GPR50: variants seen among roughly 807,000 people sequenced by gnomAD.
The protein encoded by GPR50 is G protein-coupled receptor 50.
Under a neutral mutation model 2.6 loss-of-function variants are expected in GPR50, and 1 was observed. The observed-to-expected ratio is 0.38, with a 90% CI of 0.13 to 1.79. The LOEUF is 1.79. GPR50 is among the 40% of genes most tolerant of loss of function. GPR50 has a pLI of 0.33. For missense variants in GPR50, 535 were observed against 522.1 expected, an observed-to-expected ratio of 1.02 and a Z score of -0.24; for synonymous variants, 233 against 202.3, an observed-to-expected ratio of 1.15 and a Z score of -1.29.
intron 1 of GPR50, among the ~76,000 whole-genome samples, chrX:151,178,039 A>G (rs2048691032): frequency 9.1e-6 from 1 of 109,606 alleles, no homozygotes; most frequent in African/African-American, 3.3e-5. Context: ...AAGGCGCCCA[A>G]ACTCCGAGTT....
intron 1 of GPR50, among the ~76,000 whole-genome samples, chrX:151,178,592 A>G (rs2048694122): frequency 8.9e-6 from 1 of 112,156 alleles, no homozygotes; most frequent in African/African-American, 3.2e-5. Context: ...TCTGCCGGAA[A>G]ACCATAGAAA....
Position 151,180,171 on chromosome X carries a change from C to T in GPR50, c.588C>T (p.His196=). The change falls in exon 2 of 2, where the codon CAC becomes CAT. Residue 196 remains histidine, a synonymous_variant. Transcript: ENST00000218316. ...TCACTGTTACCATCGTCTGCATCCA[C>T]TTCGTCCTCCCTCTCCTCATCGTGG... ...PVFTVTIVCI[H]FVLPLLIVGF... is the part of the protein sequence containing the mutation. 2.5e-6 allele frequency: 3 copies of T among 1,206,733 alleles called. No homozygotes were observed. The highest frequency in any genetic ancestry group is 3.4e-6 in the Non-Finnish European group (3 of 895,295).
Position 151,181,003 on chromosome X carries a change from C to T in GPR50, c.1420C>T (p.Pro474Ser). The change falls in exon 2 of 2, where the codon CCC (proline) becomes TCC (serine). Residue 474 changes from proline to serine, a missense_variant. Transcript: ENST00000218316. The part of the protein sequence containing the change: ...SVHFKPASSN[P>S]KPITGHHVSA... The stretch of plus-strand genomic sequence containing the variant: ...TCATTTCAAGCCTGCTTCCAGCAAC[C>T]CCAAGCCCATCACTGGCCACCATGT... 8.3e-7 allele frequency: 1 copy of T among 1,211,466 alleles called. No individual in the cohort carries two copies. The highest frequency in any genetic ancestry group is 1.8e-5 in the South Asian group (1 of 56,967).
At position 151,180,014 on chromosome X, in the gene GPR50, A is replaced by G; in HGVS notation, c.431A>G (p.Asn144Ser). ...TACGAACGGATCTTCAGTGTGCGCA[A>G]TACCTGCATCTACCTGGTCATCACC... is the stretch of plus-strand genomic sequence containing the variant. The part of the protein sequence containing the change: ...LQYERIFSVR[N>S]TCIYLVITWI... Residue 144 changes from asparagine (N) to serine (S), a missense_variant, in exon 2 of 2, where the codon AAT becomes AGT. Physicochemically the swap from Asn to Ser is conservative, Grantham distance 46 (BLOSUM62 1). Transcript: ENST00000218316. 8.3e-7 allele frequency: 1 copy of G among 1,211,217 alleles called. No homozygotes were observed. Among genetic ancestry groups the G allele is most frequent in the South Asian group, 1.8e-5 (1 of 56,934 alleles).
In GPR50 at chrX:151,180,156, C is replaced by G; in HGVS notation, c.573C>G (p.Thr191=). Residue 191 remains threonine (T), a synonymous_variant, in exon 2 of 2, where the codon ACC becomes ACG. Transcript: ENST00000218316. ...TGAACAACCCTGTCTTCACTGTTACCATCGTCTGCATCCACTTCGTCCTCC... is the reference window on the plus strand; with the variant it reads ...TGAACAACCCTGTCTTCACTGTTACGATCGTCTGCATCCACTTCGTCCTCC... ...NYLNNPVFTV[T]IVCIHFVLPL... The G allele has an allele frequency of 8.3e-7, 1 of 1,206,863 alleles. No homozygotes were observed. The highest frequency in any genetic ancestry group is 1.1e-6 in the Non-Finnish European group (1 of 894,999).
rs1460037650 is a variant in GPR50, at chrX:151,180,720, C to T, written c.1137C>T (p.Pro379=). Residue 379 remains proline, a synonymous_variant, in exon 2 of 2, where the codon CCC becomes CCT. Transcript: ENST00000218316. ...PLPGDAAAGH[P]DRASGHPKPH... is the part of the protein sequence containing the mutation. ...CTGGTGATGCTGCAGCTGGCCACCC[C>T]GACCGTGCCTCTGGCCACCCTAAGC... is the stretch of plus-strand genomic sequence containing the variant. 8.3e-6 allele frequency: 10 copies of T among 1,208,768 alleles called. No individual in the cohort carries two copies. The Admixed American group carries it at 8.8e-5, about 11-fold the overall frequency.
chrX:151,178,191 T>G (rs2048692015), intron 1 of GPR50, among the ~76,000 whole-genome samples: 1 of 103,199 alleles, frequency 9.7e-6, no homozygotes, highest in African/African-American at 3.6e-5. Flanking sequence ...GGGGGAGAGG[T>G]GGCGGCCGGG....
Position 151,180,433 on chromosome X carries a change from T to G in GPR50, c.850T>G (p.Tyr284Asp), listed in dbSNP as rs2124119019. Residue 284 changes from tyrosine (Y) to aspartate (D), a missense_variant, in exon 2 of 2, where the codon TAC becomes GAC. Tyr to Asp is a radical substitution (Grantham distance 160). Transcript: ENST00000218316. Reference protein sequence around the residue: ...WLYLAAYFIAYFNSCLNAVIY... With the variant: ...WLYLAAYFIADFNSCLNAVIY... ...TTATCTTGCAGCCTACTTCATAGCC[T>G]ACTTCAACAGCTGCCTCAACGCTGT... The G allele has an allele frequency of 8.3e-7, 1 of 1,209,694 alleles. No individual in the cohort carries two copies. Among genetic ancestry groups the G allele is most frequent in the South Asian group, 1.8e-5 (1 of 56,703 alleles).
intron 1 of GPR50, chrX:151,177,926 C>A (rs1457305409): frequency 9.5e-6 from 1 of 105,587 alleles, no homozygotes; most frequent in Non-Finnish European, 1.9e-5. Context: ...GGATGCCGGG[C>A]GCTGCGACCT....
Position 151,181,048 on chromosome X carries a change from A to G in GPR50, c.1465A>G (p.Lys489Glu), listed in dbSNP as rs1458835474. Reference sequence around the variant, plus strand: ...CCATGTCTCTGCTGGCAGCCACTCCAAGTCTGCCTTCAGTGCTGCCACCAG... The same window carrying G: ...CCATGTCTCTGCTGGCAGCCACTCCGAGTCTGCCTTCAGTGCTGCCACCAG... ...GHHVSAGSHS[K>E]SAFSAATSHP... The change falls in exon 2 of 2, where the codon AAG (lysine) becomes GAG (glutamate). Residue 489 changes from lysine to glutamate, a missense_variant. Physicochemically the swap from Lys to Glu is moderately conservative, Grantham distance 56. Transcript: ENST00000218316. The G allele has an allele frequency of 8.3e-7, 1 of 1,210,464 alleles. No individual in the cohort carries two copies. The highest frequency in any genetic ancestry group is 1.7e-5 in the African/African-American group (1 of 57,491).
Position 151,180,843 on chromosome X carries a change from T to C in GPR50, c.1260T>C (p.Pro420=), listed in dbSNP as rs1290780080. 16 of 1,208,536 alleles carry C rather than the reference T, an allele frequency of 1.3e-5. No homozygotes were observed. The highest frequency in any genetic ancestry group is 1.8e-5 in the Non-Finnish European group (16 of 894,540). Residue 420 remains proline, a synonymous_variant, in exon 2 of 2, where the codon CCT becomes CCC. Transcript: ENST00000218316. ...HSKAASGHLK[P]VSGHSKPASG... is the part of the protein sequence containing the mutation. ...AGGCTGCCTCTGGTCACCTCAAGCC[T>C]GTCTCTGGCCACTCCAAGCCTGCCT... is the stretch of plus-strand genomic sequence containing the variant.
intron 1 of GPR50, among the ~76,000 whole-genome samples, chrX:151,178,500 T>C (rs2048693788): frequency 8.9e-6 from 1 of 112,308 alleles, no homozygotes; most frequent in South Asian, 3.8e-4. Context: ...ATAATTCAAA[T>C]AAAGGCTTTT....
At position 151,180,766 on chromosome X, in the gene GPR50, G is replaced by A; in HGVS notation, c.1183G>A (p.Ala395Thr). 8.3e-7 allele frequency: 1 copy of A among 1,210,307 alleles called. No individual in the cohort carries two copies. The highest frequency in any genetic ancestry group is 1.1e-6 in the Non-Finnish European group (1 of 894,960). The stretch of plus-strand genomic sequence containing the variant: ...TAAGCCCCATTCCAGATCCTCCTCT[G>A]CCTATCGCAAATCTGCCTCTACCCA... ...HPKPHSRSSS[A>T]YRKSASTHHK... Residue 395 changes from alanine to threonine, a missense_variant, in exon 2 of 2, where the codon GCC becomes ACC. By Grantham distance (58) the Ala-to-Thr change is moderately conservative. Coordinates refer to ENST00000218316, the MANE Select transcript of GPR50 (RefSeq NM_004224.3).
At chrX:151,177,115 G>A (rs1430144967) in intron 1 of GPR50, among the ~76,000 whole-genome samples, 1 of 112,687 alleles carries the variant, frequency 8.9e-6, no homozygotes, top group Non-Finnish European at 1.9e-5. Flanking sequence ...AGAGCACAGA[G>A]AATTAGCTTT....
Position 151,181,303 on chromosome X carries a change from C to G in GPR50, c.1720C>G (p.Pro574Ala), listed in dbSNP as rs1602729404. 1 of 1,209,302 alleles carries G rather than the reference C, an allele frequency of 8.3e-7. No individual in the cohort carries two copies. The highest frequency in any genetic ancestry group is 2.2e-5 in the Admixed American group (1 of 45,879). Reference protein sequence around the residue: ...ASSPAAGPTKPAASQLESDTI... With the variant: ...ASSPAAGPTKAAASQLESDTI... ...TAGCCCTGCCGCTGGGCCCACCAAG[C>G]CTGCTGCCAGCCAGCTGGAGTCTGA... Residue 574 changes from proline to alanine, a missense_variant, in exon 2 of 2, where the codon CCT becomes GCT. Pro to Ala is a conservative substitution (Grantham distance 27, BLOSUM62 -1). Coordinates refer to ENST00000218316, the MANE Select transcript of GPR50 (RefSeq NM_004224.3).
chrX:151,178,900 T>C (rs1328062818), intron 1 of GPR50, among the ~76,000 whole-genome samples: 1 of 112,401 alleles, frequency 8.9e-6, no homozygotes, highest in Admixed American at 9.4e-5. Flanking sequence ...CTGTTTAACC[T>C]GAAGGCTCCA....
In GPR50 at chrX:151,179,884, T is replaced by C; in HGVS notation, c.301T>C (p.Cys101Arg). The C allele has an allele frequency of 2.5e-6, 3 of 1,210,993 alleles. No individual in the cohort carries two copies. The highest frequency in any genetic ancestry group is 3.4e-6 in the Non-Finnish European group (3 of 894,886). The change falls in exon 2 of 2, where the codon TGC becomes CGC. Residue 101 changes from cysteine to arginine, a missense_variant. Coordinates refer to ENST00000218316, the MANE Select transcript of GPR50 (RefSeq NM_004224.3). ...IGGWDLSQLQ[C>R]QMVGFITGLS... ...GGGCTGGGATCTGAGCCAGTTACAG[T>C]GCCAGATGGTCGGGTTCATCACAGG...
chrX:151,180,335 G>A lies in GPR50; in HGVS notation c.752G>A (p.Cys251Tyr). 1 of 1,207,399 alleles carries A rather than the reference G, an allele frequency of 8.3e-7. No individual in the cohort carries two copies. The highest frequency in any genetic ancestry group is 2.3e-4 in the Middle Eastern group (1 of 4,351). Residue 251 changes from cysteine to tyrosine, a missense_variant, in exon 2 of 2, where the codon TGC becomes TAC. Coordinates refer to ENST00000218316, the MANE Select transcript of GPR50 (RefSeq NM_004224.3). ...VIFLLFAVCW[C>Y]PINVLTVLVA... is the part of the protein sequence containing the mutation. ...TTCCTCCTCTTTGCAGTGTGCTGGT[G>A]CCCTATCAACGTGCTCACTGTCTTG...
downstream of GPR50, chrX:151,182,772 G>A (rs764663668): frequency 8.9e-6 from 1 of 112,860 alleles, no homozygotes; most frequent in Non-Finnish European, 1.9e-5. Context: ...GAAAGCTTGT[G>A]AGGATAAGTG....
Sources: gnomAD v4.1 joint callset for allele counts (sites outside exome capture counted in the v4.1 genomes callset) on GRCh38, gnomAD v4.1.1 for gene constraint, MANE v1.5 for transcripts, NCBI Gene and HGNC (gene_info 2026-07-23, HGNC 2026-07-21) for gene names.